KCNN2: variants seen among roughly 807,000 people sequenced by gnomAD.
KCNN2 encodes small conductance calcium-activated potassium channel protein 2.
KCNN2 carries 24 observed loss-of-function variants against 55.5 expected under a neutral mutation model. The observed-to-expected ratio is 0.43, with a 90% CI of 0.31 to 0.61. The LOEUF is 0.61. Ranked by LOEUF, KCNN2 falls within the 20% of genes least tolerant of loss-of-function variation. The pLI, the probability that KCNN2 is intolerant of heterozygous loss-of-function variation, is 0.08. For synonymous variants in KCNN2, 431 were observed against 336.1 expected (o/e 1.28, Z -3.09); for missense variants, 754 against 853.6 (o/e 0.88, Z 1.45).
intron 2 of KCNN2, among the ~76,000 whole-genome samples, chr5:114,367,499 C>A (rs1037811): frequency 2.8e-4 from 42 of 152,194 alleles, no homozygotes; most frequent in Non-Finnish European, 2.8e-4. Context: ...TTAATAAATG[C>A]CTATGTATCA....
intron 2 of KCNN2, among the ~76,000 whole-genome samples, chr5:114,240,420 T>A (rs1754593291): frequency 1.1e-5 from 1 of 92,854 alleles, no homozygotes; most frequent in Non-Finnish European, 2.0e-5. Context: ...ATTATATTTT[T>A]CTTTCTCTTT....
intron 1 of KCNN2, among the ~76,000 whole-genome samples, chr5:114,139,566 A>T (rs1752235326): frequency 6.7e-6 from 1 of 150,270 alleles, no homozygotes; most frequent in East Asian, 1.9e-4. Context: ...TAGATATTAT[A>T]ATAATAATTT....
At chr5:114,170,801 C>G in intron 1 of KCNN2, among the ~76,000 whole-genome samples, 1 of 151,924 alleles carries the variant, frequency 6.6e-6, no homozygotes, top group Non-Finnish European at 1.5e-5. Flanking sequence ...TTTCAGTGCC[C>G]TAAACTACAT....
intron 2 of KCNN2, among the ~76,000 whole-genome samples, chr5:114,269,494 CTTTT>C (rs67045907): frequency 2.8e-5 from 4 of 144,160 alleles, no homozygotes; most frequent in Non-Finnish European, 4.6e-5. Flanking sequence ...TGGTTCTCAC[CTTTT>C]TTTTTTTTTT....
intron 2 of KCNN2, among the ~76,000 whole-genome samples, chr5:114,309,302 G>C (rs956604534): frequency 4.6e-5 from 7 of 152,128 alleles, no homozygotes; most frequent in Non-Finnish European, 1.0e-4. Context: ...AACATAACTA[G>C]GCTCAATTAT....
chr5:114,215,569 C>A (rs550652609), intron 1 of KCNN2, among the ~76,000 whole-genome samples: 2 of 152,038 alleles, frequency 1.3e-5, no homozygotes, highest in Admixed American at 6.6e-5. Context: ...AGGGTAGAAC[C>A]CAAGACATAA....
chr5:114,184,618 A>T (rs749291699), intron 1 of KCNN2, among the ~76,000 whole-genome samples: 8 of 152,188 alleles, frequency 5.3e-5, no homozygotes, highest in Non-Finnish European at 1.0e-4. Context: ...TATATTTAAA[A>T]ATATATGCTG....
chr5:114,332,913 G>C (rs1489293352), intron 2 of KCNN2, among the ~76,000 whole-genome samples: 1 of 152,178 alleles, frequency 6.6e-6, no homozygotes, highest in Non-Finnish European at 1.5e-5. Flanking sequence ...CTGGGAAGGA[G>C]TCCTCTCAAT....
intron 1 of KCNN2, among the ~76,000 whole-genome samples, chr5:114,157,603 C>T (rs1378529064): frequency 1.3e-5 from 2 of 152,156 alleles, no homozygotes; most frequent in African/African-American, 4.8e-5. Context: ...AATGGTTGAA[C>T]TAGTTTACAG....
chr5:114,471,256 T>C (rs80111833), intron 4 of KCNN2, among the ~76,000 whole-genome samples: 7,524 of 152,240 alleles, frequency 0.049, 231 homozygotes, highest in South Asian at 0.081. Context: ...AAGTCCTTTA[T>C]AAAATAGTGT....
intron 5 of KCNN2, among the ~76,000 whole-genome samples, chr5:114,476,700 C>T (rs541984078): frequency 1.2e-4 from 18 of 152,138 alleles, no homozygotes; most frequent in Admixed American, 2.6e-4. Flanking sequence ...GGATTACAGG[C>T]GTGAGCCACC....
At chr5:114,263,189 T>C (rs896504074) in intron 2 of KCNN2, among the ~76,000 whole-genome samples, 8 of 152,056 alleles carry the variant, frequency 5.3e-5, no homozygotes, top group Non-Finnish European at 8.8e-5. Flanking sequence ...AAAGCTTTGA[T>C]TGAAAACAAG....
chr5:114,256,683 G>A (rs980825810), intron 2 of KCNN2, among the ~76,000 whole-genome samples: 4 of 152,124 alleles, frequency 2.6e-5, no homozygotes, highest in Admixed American at 6.6e-5. Context: ...CTTGAAAAGT[G>A]TCTGTTCATA....
chr5:114,383,182 G>C (rs1358447096), intron 2 of KCNN2, among the ~76,000 whole-genome samples: 2 of 152,102 alleles, frequency 1.3e-5, no homozygotes, highest in Non-Finnish European at 2.9e-5. Context: ...TGAAGGGTTT[G>C]CATAAGTTTT....
intron 4 of KCNN2, among the ~76,000 whole-genome samples, chr5:114,468,383 C>A (rs1761553905): frequency 6.6e-6 from 1 of 152,130 alleles, no homozygotes. Flanking sequence ...CAGTCAGCCC[C>A]AGGGACAGAA....
chr5:114,340,668 ATGTGTG>A (rs3070942), intron 2 of KCNN2, among the ~76,000 whole-genome samples: 50 of 150,564 alleles, frequency 3.3e-4, no homozygotes, highest in African/African-American at 1.0e-3. Context: ...GTGTGTGTGC[ATGTGTG>A]TGTGTGTGTG....
chr5:114,090,900 C>G (rs1751130134), intron 1 of KCNN2, among the ~76,000 whole-genome samples: 1 of 152,108 alleles, frequency 6.6e-6, no homozygotes, highest in South Asian at 2.1e-4. Flanking sequence ...CCAGACTGGA[C>G]AGCCTCAACT....
At chr5:114,296,886 T>G (rs1561560552) in intron 2 of KCNN2, among the ~76,000 whole-genome samples, 1 of 152,242 alleles carries the variant, frequency 6.6e-6, no homozygotes, top group African/African-American at 2.4e-5. Context: ...CTGTTTCTCT[T>G]AATTGAAAGA....
intron 1 of KCNN2, among the ~76,000 whole-genome samples, chr5:114,203,682 A>C (rs1268353276): frequency 6.6e-6 from 1 of 152,200 alleles, no homozygotes; most frequent in Admixed American, 6.5e-5. Context: ...TGATGACAGC[A>C]TCTGACATTC....
Sources: gnomAD v4.1 joint callset for allele counts (sites outside exome capture counted in the v4.1 genomes callset) on GRCh38, gnomAD v4.1.1 for gene constraint, MANE v1.5 for transcripts, NCBI Gene and HGNC (gene_info 2026-07-23, HGNC 2026-07-21) for gene names.